Variants in FSTL5 observed in about 807,000 individuals in gnomAD.
FSTL5 encodes follistatin-related protein 5.
A neutral mutation model predicts 89.1 loss-of-function variants in FSTL5; 62 were observed. The ratio of observed to expected loss-of-function variants is 0.70; its 90% CI spans 0.57 to 0.86. The LOEUF is 0.86. FSTL5 is among the 40% of genes least tolerant of loss of function. The pLI is 0.00. For missense variants in FSTL5, 1,057 were observed against 1,001.6 expected, an observed-to-expected ratio of 1.06 and a Z score of -0.75; for synonymous variants, 383 against 346.2, an observed-to-expected ratio of 1.11 and a Z score of -1.18.
chr4:161,928,731 G>A lies in FSTL5; in HGVS notation c.161-8079C>T, dbSNP rs1296445807. 4.0e-5 allele frequency among the ~76,000 whole-genome samples: 6 copies of A among 151,884 alleles called. No homozygotes were observed. In the East Asian group the frequency reaches 1.2e-3, roughly 29 times the overall value. Reference sequence around the variant, plus strand: ...ATTTGCAAATCATCTTCAGTGAGATGTTGATTTTAGTATTTACCCATTTTT... The same window carrying A: ...ATTTGCAAATCATCTTCAGTGAGATATTGATTTTAGTATTTACCCATTTTT... On this transcript the variant is annotated intron_variant, in intron 3 of 15. Transcript: ENST00000306100.
intron 7 of FSTL5, among the ~76,000 whole-genome samples, chr4:161,613,032 C>A (rs1227517977): frequency 1.3e-5 from 2 of 152,078 alleles, no homozygotes; most frequent in African/African-American, 4.8e-5. Flanking sequence ...AGTAAGAGAT[C>A]TTTTAGCCAC....
At chr4:161,689,399 G>A (rs1737850282) in intron 6 of FSTL5, among the ~76,000 whole-genome samples, 1 of 152,012 alleles carries the variant, frequency 6.6e-6, no homozygotes, top group Non-Finnish European at 1.5e-5. Flanking sequence ...TTTGAATTGT[G>A]ATGTGCTGTG....
intron 2 of FSTL5, among the ~76,000 whole-genome samples, chr4:162,051,577 A>T (rs576345339): frequency 1.3e-5 from 2 of 151,724 alleles, no homozygotes; most frequent in South Asian, 4.1e-4. Context: ...ACAAAAAATG[A>T]GTGCATTAGG....
intron 6 of FSTL5, among the ~76,000 whole-genome samples, chr4:161,686,325 TATATATATATATATATATATA>T (rs1405890621): frequency 0.016 from 121 of 7,524 alleles, 2 homozygotes; most frequent in South Asian, 0.1. Context: ...TATATATATA[TATATATATATATATATATATA>T]TTTTTTTTTT....
At chr4:161,651,492 T>A (rs543222424) in intron 7 of FSTL5, among the ~76,000 whole-genome samples, 2 of 152,190 alleles carry the variant, frequency 1.3e-5, no homozygotes, top group African/African-American at 4.8e-5. Flanking sequence ...TCAGGGTATA[T>A]GTACTCTTTG....
At chr4:161,708,699 C>T (rs1030476921) in intron 6 of FSTL5, among the ~76,000 whole-genome samples, 7 of 152,000 alleles carry the variant, frequency 4.6e-5, no homozygotes, top group Admixed American at 1.3e-4. Context: ...TGTTTTTACC[C>T]ATTTCTAGTG....
At chr4:161,469,640 A>T (rs550896145) in intron 13 of FSTL5, among the ~76,000 whole-genome samples, 5 of 136,082 alleles carry the variant, frequency 3.7e-5, no homozygotes, top group South Asian at 2.3e-4. Flanking sequence ...TTATTTATCT[A>T]TTTTTTTTTT....
chr4:161,620,804 T>C (rs1158740027), intron 7 of FSTL5, among the ~76,000 whole-genome samples: 1 of 152,144 alleles, frequency 6.6e-6, no homozygotes, highest in Admixed American at 6.6e-5. Context: ...ATGATCAATA[T>C]TAAAATGATG....
At chr4:161,479,214 T>C (rs1229124924) in intron 13 of FSTL5, among the ~76,000 whole-genome samples, 1 of 152,134 alleles carries the variant, frequency 6.6e-6, no homozygotes, top group Non-Finnish European at 1.5e-5. Flanking sequence ...GTGAAGTCTT[T>C]TAAGTTCCCT....
chr4:162,062,394 C>G (rs778657800), intron 2 of FSTL5, among the ~76,000 whole-genome samples: 15 of 151,796 alleles, frequency 9.9e-5, no homozygotes, highest in Non-Finnish European at 1.9e-4. Context: ...CTGCTCTTTG[C>G]TTAGTCCAAT....
At chr4:161,979,735 T>C (rs1329882092) in intron 3 of FSTL5, among the ~76,000 whole-genome samples, 1 of 152,192 alleles carries the variant, frequency 6.6e-6, no homozygotes, top group African/African-American at 2.4e-5. Context: ...TTATTTATTT[T>C]CTATGATAAC....
chr4:161,660,167 T>A (rs549431803), intron 6 of FSTL5, among the ~76,000 whole-genome samples: 1 of 152,222 alleles, frequency 6.6e-6, no homozygotes. Context: ...GGACTATTAC[T>A]ACCTTTTTAA....
At chr4:161,679,512 C>T (rs1396853783) in intron 6 of FSTL5, among the ~76,000 whole-genome samples, 2 of 151,758 alleles carry the variant, frequency 1.3e-5, no homozygotes, top group Admixed American at 6.6e-5. Flanking sequence ...GCCGCATGAA[C>T]ATGTGCTAGT....
At chr4:161,666,129 G>A (rs954628041) in intron 6 of FSTL5, among the ~76,000 whole-genome samples, 6 of 151,860 alleles carry the variant, frequency 4.0e-5, no homozygotes, top group African/African-American at 1.4e-4. Flanking sequence ...GTCACCAAGC[G>A]GAAGATAATT....
chr4:162,028,693 T>C (rs1256195451), intron 3 of FSTL5, among the ~76,000 whole-genome samples: 2 of 152,220 alleles, frequency 1.3e-5, no homozygotes, highest in African/African-American at 2.4e-5. Flanking sequence ...ACTGGCTATA[T>C]TGTATTTTGT....
At chr4:161,925,376 G>A (rs1734094198) in intron 3 of FSTL5, among the ~76,000 whole-genome samples, 1 of 151,708 alleles carries the variant, frequency 6.6e-6, no homozygotes, top group Non-Finnish European at 1.5e-5. Flanking sequence ...ATGCTAATAT[G>A]GTGCAAAAGT....
At chr4:161,454,807 A>G (rs923563868) in intron 15 of FSTL5, among the ~76,000 whole-genome samples, 197 bp downstream of exon 15, 1 of 152,346 alleles carries the variant, frequency 6.6e-6, no homozygotes, top group Non-Finnish European at 1.5e-5. Context: ...TGTTAGGCAT[A>G]AAGAGAAACA....
chr4:161,845,174 T>A (rs1731329541), intron 4 of FSTL5, among the ~76,000 whole-genome samples: 1 of 152,222 alleles, frequency 6.6e-6, no homozygotes, highest in Non-Finnish European at 1.5e-5. Flanking sequence ...AAATGTACTT[T>A]AGCATTACTG....
chr4:162,103,906 G>A (rs1731102486), intron 2 of FSTL5, among the ~76,000 whole-genome samples: 1 of 152,242 alleles, frequency 6.6e-6, no homozygotes, highest in African/African-American at 2.4e-5. Context: ...CACAGCGGGA[G>A]AGACAAGGAT....
Sources: gnomAD v4.1 joint callset for allele counts (sites outside exome capture counted in the v4.1 genomes callset) on GRCh38, gnomAD v4.1.1 for gene constraint, MANE v1.5 for transcripts, NCBI Gene and HGNC (gene_info 2026-07-23, HGNC 2026-07-21) for gene names.